Variants in TMTC2 observed in about 807,000 individuals in gnomAD.
The protein encoded by TMTC2 is protein O-mannosyl-transferase TMTC2.
A neutral mutation model predicts 82.4 loss-of-function variants in TMTC2; 43 were observed. The observed-to-expected ratio is 0.52, with a 90% CI of 0.41 to 0.67. TMTC2 has a LOEUF of 0.67. Ranked by LOEUF, TMTC2 falls within the 30% of genes least tolerant of loss-of-function variation. TMTC2 has a pLI of 0.00. For missense variants in TMTC2, 919 were observed against 1,012.4 expected, an observed-to-expected ratio of 0.91 and a Z score of 1.25; for synonymous variants, 408 against 381.9, an observed-to-expected ratio of 1.07 and a Z score of -0.80.
chr12:83,087,823 T>C (rs1285382342), intron 11 of TMTC2, among the ~76,000 whole-genome samples: 2 of 152,184 alleles, frequency 1.3e-5, no homozygotes, highest in South Asian at 2.1e-4. Context: ...AGATTTAGTG[T>C]AATTTGTAAG....
At chr12:82,957,349 C>A (rs1461542348) in intron 4 of TMTC2, among the ~76,000 whole-genome samples, 1 of 151,994 alleles carries the variant, frequency 6.6e-6, no homozygotes, top group African/African-American at 2.4e-5. Context: ...AACAAAGATG[C>A]AACATACTAA....
chr12:83,041,809 T>G (rs905044309), intron 9 of TMTC2, among the ~76,000 whole-genome samples: 1 of 152,208 alleles, frequency 6.6e-6, no homozygotes, highest in Non-Finnish European at 1.5e-5. Context: ...AAGTACACGC[T>G]CACTTAACTG....
At chr12:83,035,276 G>A (rs7308896) in intron 9 of TMTC2, among the ~76,000 whole-genome samples, 46,347 of 152,010 alleles carry the variant, frequency 0.3, 7,146 homozygotes, top group East Asian at 0.45. Context: ...AGTTTTGTTC[G>A]GGGGAAGAGA....
intron 1 of TMTC2, chr12:82,690,386 T>C: frequency 1.0e-6 from 1 of 985,472 alleles, no homozygotes; most frequent in Non-Finnish European, 1.2e-6. Context: ...GGGAGATGGC[T>C]GTTATTCCTG....
At chr12:83,079,614 C>T (rs557036649) in intron 11 of TMTC2, among the ~76,000 whole-genome samples, 13 of 152,146 alleles carry the variant, frequency 8.5e-5, no homozygotes, top group African/African-American at 2.2e-4. Context: ...CCAGCAATAA[C>T]GAATAAATAT....
At chr12:83,004,864 C>G (rs949325743) in intron 8 of TMTC2, among the ~76,000 whole-genome samples, 6 of 148,648 alleles carry the variant, frequency 4.0e-5, no homozygotes, top group African/African-American at 1.5e-4. Context: ...GTGGCTCACG[C>G]CTGTAATTCC....
intron 1 of TMTC2, among the ~76,000 whole-genome samples, chr12:82,745,537 C>G (rs575467347): frequency 6.6e-6 from 1 of 152,088 alleles, no homozygotes; most frequent in African/African-American, 2.4e-5. Context: ...CATGTTCTTT[C>G]GAAGCTCCTG....
At chr12:82,785,510 A>C (rs1381971997) in intron 1 of TMTC2, among the ~76,000 whole-genome samples, 1 of 152,002 alleles carries the variant, frequency 6.6e-6, no homozygotes, top group African/African-American at 2.4e-5. Context: ...CTGGCAGTAA[A>C]GCTCTTTGTT....
At chr12:82,845,618 G>A (rs1476442552) in intron 1 of TMTC2, among the ~76,000 whole-genome samples, 1 of 151,994 alleles carries the variant, frequency 6.6e-6, no homozygotes, top group African/African-American at 2.4e-5. Context: ...GAGGTGAGGT[G>A]TACTGAATTA....
At chr12:83,081,760 T>C (rs1233194634) in intron 11 of TMTC2, among the ~76,000 whole-genome samples, 1 of 152,148 alleles carries the variant, frequency 6.6e-6, no homozygotes, top group Non-Finnish European at 1.5e-5. Context: ...TAAATTGGGC[T>C]GGGCGCAGTG....
rs769371634 is a variant in TMTC2 at position 83,030,793 on chromosome 12, T to C, written c.2071-5T>C. Reference sequence around the variant, plus strand: ...CTGAATCATCCATTTTCTCTGTTTTTCAAGGGTCGTAAGAGTGAGGCTGAA... The same window carrying C: ...CTGAATCATCCATTTTCTCTGTTTTCCAAGGGTCGTAAGAGTGAGGCTGAA... On this transcript the variant is annotated splice_region_variant and splice_polypyrimidine_tract_variant and intron_variant, in intron 8 of 11. Transcript: ENST00000321196. The C allele has an allele frequency of 6.2e-7, 1 of 1,611,550 alleles. No individual in the cohort carries two copies. Among genetic ancestry groups the C allele is most frequent in the Non-Finnish European group, 8.5e-7 (1 of 1,177,766 alleles).
rs538230280 is a variant in TMTC2 at position 82,919,087 on chromosome 12, C to T, written c.1484-11344C>T. 2.0e-5 allele frequency among the ~76,000 whole-genome samples: 3 copies of T among 152,296 alleles called. No individual in the cohort carries two copies. In the East Asian group the frequency reaches 5.8e-4, roughly 29 times the overall value. ...TTAACAAAACAAAACAACACAAAGA[C>T]ATGTATTTGGCTCACAGTTTTAGAG... is the stretch of plus-strand genomic sequence containing the variant. On this transcript the variant is annotated intron_variant, in intron 3 of 11. Transcript: ENST00000321196.
At chr12:82,703,495 TTTC>T (rs751887794) in intron 1 of TMTC2, among the ~76,000 whole-genome samples, 6,485 of 148,354 alleles carry the variant, frequency 0.044, 256 homozygotes, top group East Asian at 0.12. Flanking sequence ...AGATAGTTTC[TTTC>T]TTTTTTTTTT....
Position 82,844,731 on chromosome 12 carries a change from G to GTCCGCCTCCTGGACTTGCAGTGA in TMTC2, c.84-12279_84-12278insTCCGCCTCCTGGACTTGCAGTGA, listed in dbSNP as rs1322832028. Among the ~76,000 whole-genome samples, 103 of 151,946 alleles carry GTCCGCCTCCTGGACTTGCAGTGA rather than the reference G, an allele frequency of 6.8e-4. 2 individuals are homozygous for GTCCGCCTCCTGGACTTGCAGTGA. The highest frequency in any genetic ancestry group is 2.3e-3 in the African/African-American group (97 of 41,438). The stretch of plus-strand genomic sequence containing the variant: ...GCAGGAGAATGGCGGGAACCCAGGA[G>GTCCGCCTCCTGGACTTGCAGTGA]GCGGAGCTTGCAGTGAGCCGAGATC... On this transcript the variant is annotated intron_variant, in intron 1 of 11. Transcript: ENST00000321196.
chr12:82,891,959 C>T (rs890645944), intron 2 of TMTC2, among the ~76,000 whole-genome samples: 2 of 152,064 alleles, frequency 1.3e-5, no homozygotes, highest in African/African-American at 4.8e-5. Context: ...TCAGCTATTC[C>T]AGAGGCTGAG....
chr12:83,107,797 A>G (rs948538545), intron 11 of TMTC2, among the ~76,000 whole-genome samples: 6 of 151,974 alleles, frequency 3.9e-5, no homozygotes, highest in African/African-American at 1.2e-4. Flanking sequence ...AGAGATTATC[A>G]CTATTTAAAT....
In TMTC2 at chr12:83,082,327, A is replaced by C. The variant is rs539335549; in HGVS notation, c.2331+20496A>C. On this transcript the variant is annotated intron_variant, in intron 11 of 11. Transcript: ENST00000321196. ...CTGAGAAGAACCAGAATTCTGCCAG[A>C]TGGGTATTTGTGATGTTCTTAGACA... Among the ~76,000 whole-genome samples the C allele has an allele frequency of 4.3e-4, 66 of 152,312 alleles. 2 individuals carry two copies. The South Asian group carries it at 0.012, about 29-fold the overall frequency.
At chr12:82,925,807 A>C (rs2137235538) in intron 3 of TMTC2, among the ~76,000 whole-genome samples, 1 of 152,224 alleles carries the variant, frequency 6.6e-6, no homozygotes, top group South Asian at 2.1e-4. Context: ...CTTGAGACAA[A>C]AAAAATATTG....
intron 1 of TMTC2, among the ~76,000 whole-genome samples, chr12:82,777,632 G>C (rs1366577237): frequency 6.6e-6 from 1 of 152,090 alleles, no homozygotes; most frequent in African/African-American, 2.4e-5. Flanking sequence ...GTTCTGGAGA[G>C]TATTAAATGT....
Sources: allele counts gnomAD v4.1 joint callset (sites outside exome capture counted in the v4.1 genomes callset), GRCh38; gene constraint gnomAD v4.1.1; transcripts MANE v1.5; gene names NCBI Gene and HGNC (gene_info 2026-07-23, HGNC 2026-07-21).